The following BTD variants were observed in gnomAD, a reference collection of about 807,000 sequenced individuals.
BTD encodes the protein biocytinase.
In BTD, 13 loss-of-function variants were observed where a neutral mutation model predicts 17.7. The observed-to-expected ratio is 0.74, with a 90% CI of 0.48 to 1.17. The LOEUF (loss-of-function observed/expected upper bound fraction) is 1.17. Ranked by LOEUF, BTD falls within the 50% of genes most tolerant of loss-of-function variation. The probability of loss-of-function intolerance (pLI) is 0.00; values close to 1 mark genes in which losing one functional copy is unlikely to be tolerated. For missense variants in BTD, 674 were observed against 650.4 expected, an observed-to-expected ratio of 1.04 and a Z score of -0.39; for synonymous variants, 240 against 245.2, an observed-to-expected ratio of 0.98 and a Z score of 0.20.
intron 3 of BTD, among the ~76,000 whole-genome samples, chr3:15,688,131 T>C (rs116319857): frequency 1.9e-3 from 287 of 150,136 alleles, no homozygotes; most frequent in African/African-American, 6.5e-3. Flanking sequence ...AGGGACTGGC[T>C]AATGTCTCAG....
chr3:15,622,624 T>C (rs2064979151), intron 1 of BTD, among the ~76,000 whole-genome samples: 1 of 152,236 alleles, frequency 6.6e-6, no homozygotes, highest in African/African-American at 2.4e-5. Flanking sequence ...GCATTCTGGA[T>C]TTTATCCATT....
At chr3:15,696,731 T>TA (rs1446520072) in intron 3 of BTD, among the ~76,000 whole-genome samples, 2 of 152,130 alleles carry the variant, frequency 1.3e-5, no homozygotes, top group African/African-American at 2.4e-5. Context: ...GAATCTGAAT[T>TA]AGAGGACTAA....
chr3:15,612,016 T>C (rs1417450242), intron 1 of BTD, among the ~76,000 whole-genome samples: 1 of 152,134 alleles, frequency 6.6e-6, no homozygotes, highest in Non-Finnish European at 1.5e-5. Context: ...TGGACATACT[T>C]ATTCATTCTG....
intron 3 of BTD, among the ~76,000 whole-genome samples, chr3:15,691,048 G>T (rs1054943074): frequency 6.6e-6 from 1 of 151,882 alleles, no homozygotes; most frequent in Non-Finnish European, 1.5e-5. Flanking sequence ...ACCGAGCCCT[G>T]CTTGAATATC....
downstream of BTD, chr3:15,714,446 C>A: frequency 1.5e-6 from 1 of 661,986 alleles, no homozygotes; most frequent in Non-Finnish European, 2.5e-6. Flanking sequence ...TTTTCATGAG[C>A]TCTGAAATCA....
chr3:15,690,335 A>T (rs2068628741), intron 3 of BTD: 2 of 842,084 alleles, frequency 2.4e-6, no homozygotes, highest in East Asian at 5.4e-5. Flanking sequence ...TACTTGAGAT[A>T]ATCCAAACTT....
intron 3 of BTD, among the ~76,000 whole-genome samples, chr3:15,661,492 A>C (rs921584898): frequency 1.3e-5 from 2 of 152,084 alleles, no homozygotes; most frequent in Non-Finnish European, 2.9e-5. Flanking sequence ...GTCCAATTTT[A>C]AAAGTTGCTT....
chr3:15,714,313 A>C (rs1350230932), downstream of BTD, among the ~76,000 whole-genome samples: 1 of 152,136 alleles, frequency 6.6e-6, no homozygotes. Flanking sequence ...TTTTCTATTT[A>C]GCAATATTGA....
At chr3:15,640,780 A>C (rs1275558771) in intron 2 of BTD, among the ~76,000 whole-genome samples, 1 of 152,234 alleles carries the variant, frequency 6.6e-6, no homozygotes, top group Admixed American at 6.5e-5. Flanking sequence ...ACATGTATAC[A>C]GAGAGAAAAA....
intron 3 of BTD, among the ~76,000 whole-genome samples, chr3:15,701,876 G>A (rs1444560369): frequency 6.6e-6 from 1 of 152,022 alleles, no homozygotes; most frequent in African/African-American, 2.4e-5. Flanking sequence ...TCACTGGGAT[G>A]CAGAAAAAGC....
chr3:15,620,917 C>A (rs2064935476), intron 1 of BTD, among the ~76,000 whole-genome samples: 1 of 152,228 alleles, frequency 6.6e-6, no homozygotes, highest in African/African-American at 2.4e-5. Context: ...CATCTGCAAG[C>A]TGGAGACCCT....
intron 1 of BTD, among the ~76,000 whole-genome samples, chr3:15,610,441 A>C (rs2064584691): frequency 1.3e-5 from 2 of 152,236 alleles, no homozygotes; most frequent in Non-Finnish European, 1.5e-5. Flanking sequence ...TTACATGATA[A>C]TGGAACATGG....
rs762459134 is a variant in BTD at position 15,601,797 on chromosome 3, C to T, written c.-114C>T. 1.7e-5 allele frequency: 28 copies of T among 1,613,820 alleles called. No homozygotes were observed. The highest frequency in any genetic ancestry group is 1.6e-4 in the Middle Eastern group (1 of 6,084). On this transcript the variant is annotated 5_prime_UTR_variant, in exon 1 of 4. Transcript: ENST00000643237. ...TAAGAAGCCGAACTCTGAGGCCTCTCGCCATTGTCTCCGAGTCGGCCAGCT... is the reference window on the plus strand; with the variant it reads ...TAAGAAGCCGAACTCTGAGGCCTCTTGCCATTGTCTCCGAGTCGGCCAGCT...
At chr3:15,696,380 TA>T in intron 3 of BTD, 1 of 544,950 alleles carries the variant, frequency 1.8e-6, no homozygotes, top group Non-Finnish European at 3.2e-6. Context: ...TATTACACTA[TA>T]AAAATGTCAT....
At chr3:15,672,924 T>C (rs572490420) in intron 3 of BTD, among the ~76,000 whole-genome samples, 4 of 152,314 alleles carry the variant, frequency 2.6e-5, no homozygotes, top group Admixed American at 6.5e-5. Flanking sequence ...TACAGGCACA[T>C]GCCACCACAC....
chr3:15,607,847 G>A (rs547732541), intron 1 of BTD, among the ~76,000 whole-genome samples: 14 of 152,258 alleles, frequency 9.2e-5, no homozygotes, highest in South Asian at 2.1e-4. Context: ...CTGTACAGCC[G>A]GAAATGTGTT....
At chr3:15,615,726 A>G (rs989462823) in intron 1 of BTD, among the ~76,000 whole-genome samples, 20 of 152,214 alleles carry the variant, frequency 1.3e-4, no homozygotes, top group African/African-American at 4.8e-4. Context: ...CTAGAATGGT[A>G]TGTTTGTTAT....
At chr3:15,685,655 A>G (rs2068024212) in intron 3 of BTD, among the ~76,000 whole-genome samples, 1 of 152,194 alleles carries the variant, frequency 6.6e-6, no homozygotes, top group Non-Finnish European at 1.5e-5. Context: ...AAATAGTATG[A>G]AAACAGGAAG....
chr3:15,641,352 G>T (rs770615619), intron 2 of BTD, among the ~76,000 whole-genome samples: 6 of 152,182 alleles, frequency 3.9e-5, no homozygotes, highest in African/African-American at 7.2e-5. Flanking sequence ...GAATCACCCG[G>T]GGGACCTTTA....
Sources: gnomAD v4.1 joint callset for allele counts (sites outside exome capture counted in the v4.1 genomes callset) on GRCh38, gnomAD v4.1.1 for gene constraint, MANE v1.5 for transcripts, NCBI Gene and HGNC (gene_info 2026-07-23, HGNC 2026-07-21) for gene names.